Variants in HMOX2 observed in about 807,000 individuals in gnomAD.
The protein encoded by HMOX2 is heme oxygenase 2, also known as heme oxygenase (decycling) 2.
Under a neutral mutation model 33.7 loss-of-function variants are expected in HMOX2, and 30 were observed. The observed-to-expected ratio is 0.89, with a 90% CI of 0.67 to 1.21. The LOEUF (loss-of-function observed/expected upper bound fraction) is 1.21. Among genes scored for constraint, HMOX2 ranks in the 50% most tolerant of loss-of-function variants. The pLI is 0.00. For synonymous variants in HMOX2, 155 were observed against 155.0 expected, an observed-to-expected ratio of 1.00 and a Z score of 0.00; for missense variants, 403 against 399.1, an observed-to-expected ratio of 1.01 and a Z score of -0.08.
At chr16:4,499,769 T>A (rs1477913651) in intron 1 of HMOX2, among the ~76,000 whole-genome samples, 2 of 152,172 alleles carry the variant, frequency 1.3e-5, no homozygotes, top group Non-Finnish European at 2.9e-5. Context: ...TGTCCAAACA[T>A]CACACTGTAC....
In HMOX2 at chr16:4,494,187, GC is replaced by G. The variant is rs577709769; in HGVS notation, c.-41-11296del. Among the ~76,000 whole-genome samples, 5 of 152,078 alleles carry G rather than the reference GC, an allele frequency of 3.3e-5. 1 individual carries two copies. The South Asian group carries it at 1.0e-3, about 32-fold the overall frequency. ...AAAAATTAGCGGGGCGTGGTGGTGGGCGCCTGTAGTCTCAGCTACTCAGGAG... is the reference window on the plus strand; with the variant it reads ...AAAAATTAGCGGGGCGTGGTGGTGGGGCCTGTAGTCTCAGCTACTCAGGAG... On this transcript the variant is annotated intron_variant, in intron 1 of 5. Transcript: ENST00000570646.
chr16:4,493,707 G>C (rs2058353992), intron 1 of HMOX2, among the ~76,000 whole-genome samples: 1 of 152,156 alleles, frequency 6.6e-6, no homozygotes, highest in South Asian at 2.1e-4. Context: ...TCAGGCTCTA[G>C]AGATCATTGT....
At chr16:4,487,239 C>T (rs555826921) in intron 1 of HMOX2, among the ~76,000 whole-genome samples, 22 of 151,918 alleles carry the variant, frequency 1.4e-4, no homozygotes, top group African/African-American at 4.8e-4. Flanking sequence ...GCTTGAGCAA[C>T]ACAGCAAGAC....
intron 1 of HMOX2, among the ~76,000 whole-genome samples, chr16:4,488,111 G>C (rs2058217867): frequency 7.5e-6 from 1 of 132,522 alleles, no homozygotes; most frequent in African/African-American, 2.8e-5. Context: ...GCTGCAACGA[G>C]AGGGAAACTC....
At chr16:4,498,386 CTT>C (rs571228130) in intron 1 of HMOX2, among the ~76,000 whole-genome samples, 14 of 142,206 alleles carry the variant, frequency 9.8e-5, no homozygotes, top group Non-Finnish European at 7.7e-5. Context: ...TTAACTTGCT[CTT>C]TTTTTTTTTT....
chr16:4,499,151 A>G lies in HMOX2; in HGVS notation c.-41-6333A>G, dbSNP rs906306368. Among the ~76,000 whole-genome samples the G allele has an allele frequency of 3.3e-5, 5 of 152,236 alleles. No individual in the cohort carries two copies. The East Asian group carries it at 5.8e-4, about 18-fold the overall frequency. On this transcript the variant is annotated intron_variant, in intron 1 of 5. Coordinates refer to ENST00000570646, the MANE Select transcript of HMOX2 (RefSeq NM_002134.4). ...TCTTGTTCTTCCTCAGTGTTTAACA[A>G]TCACCCAATTGCTCATTCTCACCAG...
intron 1 of HMOX2, among the ~76,000 whole-genome samples, chr16:4,479,726 A>ATTTTTTT (rs58936845): frequency 6.1e-4 from 49 of 79,848 alleles, no homozygotes; most frequent in Non-Finnish European, 7.2e-4. Context: ...TTCTTATTCT[A>ATTTTTTT]TTTTTTTTTT....
intron 1 of HMOX2, among the ~76,000 whole-genome samples, chr16:4,499,507 G>A (rs2058506062): frequency 6.6e-6 from 1 of 152,190 alleles, no homozygotes; most frequent in Non-Finnish European, 1.5e-5. Flanking sequence ...GCTGGGGGAA[G>A]GGAAGGGTGG....
Position 4,507,993 on chromosome 16 carries a change from C to CG in HMOX2, c.491dup (p.Gln165ProfsTer26). On this transcript the variant is annotated frameshift_variant, in exon 4 of 6. Transcript: ENST00000570646. LOFTEE classifies it high-confidence loss of function. ...TACACCCGCTACATGGGGGATCTCTCGGGGGGCCAGGTGCTGAAGAAGGTG... is the reference window on the plus strand; with the variant it reads ...TACACCCGCTACATGGGGGATCTCTCGGGGGGGCCAGGTGCTGAAGAAGGTG... 6 of 1,613,854 alleles carry CG rather than the reference C, an allele frequency of 3.7e-6. No individual in the cohort carries two copies. The highest frequency in any genetic ancestry group is 1.3e-5 in the African/African-American group (1 of 74,970).
In HMOX2 at chr16:4,503,934, G is replaced by A. The variant is rs375004012; in HGVS notation, c.-41-1550G>A. 2.0e-5 allele frequency among the ~76,000 whole-genome samples: 3 copies of A among 152,204 alleles called. No individual in the cohort carries two copies. The East Asian group carries it at 5.8e-4, about 29-fold the overall frequency. On this transcript the variant is annotated intron_variant, in intron 1 of 5. Coordinates refer to ENST00000570646, the MANE Select transcript of HMOX2 (RefSeq NM_002134.4). The stretch of plus-strand genomic sequence containing the variant: ...TTTGGCCTGATTTGGCCCCAGTTCT[G>A]TCTTTGTGAGTTACTTTATTAGTTG...
chr16:4,481,065 G>C (rs2058014626), intron 1 of HMOX2, among the ~76,000 whole-genome samples: 1 of 151,752 alleles, frequency 6.6e-6, no homozygotes, highest in Non-Finnish European at 1.5e-5. Context: ...AAACAATCTG[G>C]TCCGGGCGCG....
intron 1 of HMOX2, among the ~76,000 whole-genome samples, chr16:4,504,480 C>G (rs1455534389): frequency 1.3e-5 from 2 of 150,230 alleles, no homozygotes; most frequent in Non-Finnish European, 3.0e-5. Context: ...CCTGCCTCAG[C>G]CTCCTGAGTA....
intron 4 of HMOX2, 61 bp from the exon 5 acceptor site, chr16:4,509,351 A>G (rs760534218): frequency 3.6e-4 from 75 of 208,986 alleles, no homozygotes; most frequent in Non-Finnish European, 5.8e-4. Flanking sequence ...AAAGACATTT[A>G]AAAAAAAAAA....
chr16:4,483,328 G>T lies in HMOX2; in HGVS notation c.-42+6841G>T, dbSNP rs542370427. 9.1e-4 allele frequency among the ~76,000 whole-genome samples: 138 copies of T among 151,864 alleles called. 1 individual carries two copies. Among genetic ancestry groups the T allele is most frequent in the South Asian group, 7.9e-3 (38 of 4,812 alleles). ...CCGTCCCCTGAGGTTAAGGGGGTAG[G>T]GCTGAAAGTTCCCACCCTCTAATCA... On this transcript the variant is annotated intron_variant, in intron 1 of 5. Coordinates refer to ENST00000570646, the MANE Select transcript of HMOX2 (RefSeq NM_002134.4).
At chr16:4,478,983 C>T (rs1194826248) in intron 1 of HMOX2, among the ~76,000 whole-genome samples, 4 of 151,836 alleles carry the variant, frequency 2.6e-5, no homozygotes, top group East Asian at 3.9e-4. Flanking sequence ...TGTGAAACCC[C>T]GTCTCTACTA....
intron 1 of HMOX2, among the ~76,000 whole-genome samples, chr16:4,499,030 G>A (rs1191165864): frequency 6.6e-6 from 1 of 152,216 alleles, no homozygotes; most frequent in East Asian, 1.9e-4. Context: ...CTTAGAAAGG[G>A]CAGATATTCC....
chr16:4,483,114 C>G (rs1187386468), intron 1 of HMOX2, among the ~76,000 whole-genome samples: 1 of 151,502 alleles, frequency 6.6e-6, no homozygotes, highest in East Asian at 1.9e-4. Flanking sequence ...TACGCCCTCT[C>G]TGGAACTTTC....
rs1484217630 is a variant in HMOX2, at chr16:4,510,040, T to C, written c.*284T>C. On this transcript the variant is annotated 3_prime_UTR_variant, in exon 6 of 6. Coordinates refer to ENST00000570646, the MANE Select transcript of HMOX2 (RefSeq NM_002134.4). ...TCCAGGCTTCCACACTTCTGGGCCCTAGGCTGCTTCCGGTAGTCCCTGTTT... is the reference window on the plus strand; with the variant it reads ...TCCAGGCTTCCACACTTCTGGGCCCCAGGCTGCTTCCGGTAGTCCCTGTTT... 1.7e-5 allele frequency: 8 copies of C among 470,610 alleles called. No individual in the cohort carries two copies. Among genetic ancestry groups the C allele is most frequent in the Non-Finnish European group, 3.1e-5 (8 of 260,934 alleles). 29.2% of individuals were successfully genotyped at this position (470,610 alleles called of 1,614,324 possible). A position where few individuals can be genotyped will look rare whatever the true frequency, so the allele number is the denominator to read the frequency against.
chr16:4,501,612 A>C (rs1363767757), intron 1 of HMOX2, among the ~76,000 whole-genome samples: 1 of 152,154 alleles, frequency 6.6e-6, no homozygotes, highest in Non-Finnish European at 1.5e-5. Context: ...CTTCTTGTGG[A>C]TATTAGACAT....
Sources: allele counts gnomAD v4.1 joint callset (sites outside exome capture counted in the v4.1 genomes callset), GRCh38; gene constraint gnomAD v4.1.1; transcripts MANE v1.5; gene names NCBI Gene and HGNC (gene_info 2026-07-23, HGNC 2026-07-21).